PIK3CD: variants seen among roughly 807,000 people sequenced by gnomAD.
PIK3CD encodes phosphatidylinositol-4,5-bisphosphate 3-kinase catalytic subunit delta.
PIK3CD carries 20 observed loss-of-function variants against 122.9 expected under a neutral mutation model. The ratio of observed to expected loss-of-function variants is 0.16; its 90% CI spans 0.11 to 0.24. The LOEUF (loss-of-function observed/expected upper bound fraction) is 0.24, where lower values mean the gene tolerates loss of function less well. PIK3CD is among the 10% of genes least tolerant of loss of function. The pLI is 1.00. For missense variants in PIK3CD, 787 were observed against 1,406.3 expected (o/e 0.56, Z 7.04); for synonymous variants, 596 against 593.4 (o/e 1.00, Z -0.06).
At chr1:9,705,874 G>A (rs779393225) in intron 2 of PIK3CD, among the ~76,000 whole-genome samples, 3 of 152,104 alleles carry the variant, frequency 2.0e-5, no homozygotes, top group South Asian at 4.1e-4. Context: ...GATTGCTGAC[G>A]GGCACCACCG....
At chr1:9,674,101 G>A (rs796343695) in intron 1 of PIK3CD, among the ~76,000 whole-genome samples, 16 of 152,288 alleles carry the variant, frequency 1.1e-4, no homozygotes, top group African/African-American at 3.1e-4. Flanking sequence ...AGGGTAAGTC[G>A]TAGGGATCAC....
At chr1:9,669,578 G>T (rs769343531) in intron 1 of PIK3CD, among the ~76,000 whole-genome samples, 2 of 151,982 alleles carry the variant, frequency 1.3e-5, no homozygotes, top group African/African-American at 4.8e-5. Context: ...TTCCTGCCTC[G>T]GCCTCGCAAA....
intron 1 of PIK3CD, 51 bp from the exon 2 acceptor site, chr1:9,691,414 TTC>T: frequency 2.5e-6 from 1 of 397,826 alleles, no homozygotes; most frequent in Non-Finnish European, 4.4e-6. Context: ...GTTTCTGAAA[TTC>T]TCTCTTGTTA....
the PIK3CD span, among the ~76,000 whole-genome samples, chr1:9,637,613 G>A: frequency 2.0e-5 from 3 of 152,210 alleles, no homozygotes; most frequent in African/African-American, 7.2e-5. Flanking sequence ...ACTCTCTCTG[G>A]AGGCTGTAGG....
Position 9,705,453 on chromosome 1 carries a change from G to C in PIK3CD, c.-32-4971G>C, listed in dbSNP as rs146983134. Among the ~76,000 whole-genome samples, 813 of 152,042 alleles carry C rather than the reference G, an allele frequency of 5.3e-3. 17 individuals carry two copies. Among genetic ancestry groups the C allele is most frequent in the East Asian group, 0.045 (231 of 5,178 alleles). On this transcript the variant is annotated intron_variant, in intron 2 of 23. Coordinates refer to ENST00000377346, the MANE Select transcript of PIK3CD (RefSeq NM_005026.5). ...GTTGAGGCTGCAGTGAGCTGTGATTGCGCCACTGCACTCCAGCCTGGATGA... is the reference window on the plus strand; with the variant it reads ...GTTGAGGCTGCAGTGAGCTGTGATTCCGCCACTGCACTCCAGCCTGGATGA...
chr1:9,728,849 A>C lies in PIK3CD; in HGVS notation c.*1803A>C, dbSNP rs971094372. ...TCTGGGGAAGGCAAGTTAGTTAAGTATCACTGATGTGGGTTGAGACCAGCA... is the reference window on the plus strand; with the variant it reads ...TCTGGGGAAGGCAAGTTAGTTAAGTCTCACTGATGTGGGTTGAGACCAGCA... On this transcript the variant is annotated 3_prime_UTR_variant, in exon 24 of 24. Transcript: ENST00000377346. 1 of 152,234 alleles carries C rather than the reference A, an allele frequency of 6.6e-6. No individual in the cohort carries two copies. The highest frequency in any genetic ancestry group is 2.4e-5 in the African/African-American group (1 of 41,460). 9.4% of individuals were successfully genotyped at this position (152,234 alleles called of 1,614,324 possible). A position where few individuals can be genotyped will look rare whatever the true frequency, so the allele number is the denominator to read the frequency against.
chr1:9,696,749 A>G (rs563936626), intron 2 of PIK3CD, among the ~76,000 whole-genome samples: 68 of 151,948 alleles, frequency 4.5e-4, no homozygotes, highest in African/African-American at 1.6e-3. Flanking sequence ...GAGAGAAGAA[A>G]AAAATAAGTT....
Position 9,719,002 on chromosome 1 carries a change from C to T in PIK3CD, c.1242+87C>T. ...GGGCCACTCACCACTCTCCTCCCGG[C>T]AAGCACGCAGCCTGGGGATGGGGGT... is the stretch of plus-strand genomic sequence containing the variant. On this transcript the variant is annotated intron_variant, in intron 9 of 23. Coordinates refer to ENST00000377346, the MANE Select transcript of PIK3CD (RefSeq NM_005026.5). This position sits in a 1 kb window ranked among gnomAD's most constrained non-coding sequence, Gnocchi z 5.5. 7.9e-7 allele frequency: 1 copy of T among 1,267,116 alleles called. No homozygotes were observed. The highest frequency in any genetic ancestry group is 1.1e-6 in the Non-Finnish European group (1 of 891,092). The allele number at this position is 1,267,116 out of a possible 1,614,324, so 78.5% of individuals were successfully genotyped here.
chr1:9,633,499 G>A, the PIK3CD span, among the ~76,000 whole-genome samples: 1 of 151,952 alleles, frequency 6.6e-6, no homozygotes, highest in Non-Finnish European at 1.5e-5. Flanking sequence ...AGTAGAGACG[G>A]GGTTTCACTA....
chr1:9,689,932 GCGACGCT>G lies in PIK3CD; in HGVS notation c.-137-1533_-137-1527del, dbSNP rs2100434821. On this transcript the variant is annotated intron_variant, in intron 1 of 23. Transcript: ENST00000377346. This position sits in a 1 kb window ranked among gnomAD's most constrained non-coding sequence, Gnocchi z 6.1. The stretch of plus-strand genomic sequence containing the variant: ...GGTGGGATTCTCAGCTATGGGCCGC[GCGACGCT>G]CTCCTCTCCTAATCTGGTTGCTTCC... Among the ~76,000 whole-genome samples the G allele has an allele frequency of 6.6e-6, 1 of 152,240 alleles. No individual in the cohort carries two copies. The highest frequency in any genetic ancestry group is 2.4e-5 in the African/African-American group (1 of 41,572).
At chr1:9,682,564 C>T (rs941403426) in intron 1 of PIK3CD, among the ~76,000 whole-genome samples, 4 of 149,284 alleles carry the variant, frequency 2.7e-5, no homozygotes, top group East Asian at 2.0e-4. Context: ...TATTTCGAGA[C>T]GGAGTCTCGC....
In PIK3CD at chr1:9,719,874, C is replaced by A; in HGVS notation, c.1243-47C>A. The A allele has an allele frequency of 1.3e-6, 2 of 1,507,090 alleles. No individual in the cohort carries two copies. Among genetic ancestry groups the A allele is most frequent in the South Asian group, 1.1e-5 (1 of 88,980 alleles). 93.4% of individuals were successfully genotyped at this position (1,507,090 alleles called of 1,614,324 possible). A position where few individuals can be genotyped will look rare whatever the true frequency, so the allele number is the denominator to read the frequency against. On this transcript the variant is annotated intron_variant, in intron 9 of 23. Transcript: ENST00000377346. The surrounding 1 kb of genome is among the most constrained non-coding windows in gnomAD (Gnocchi z 5.5). ...CTGGGGGAGGGCAGGGAAGCTGGGT[C>A]TGGAGGCCCCTGAGTGGCTGTCCTC...
In PIK3CD at chr1:9,724,170, C is replaced by G; in HGVS notation, c.2718+78C>G. The G allele has an allele frequency of 6.2e-7, 1 of 1,613,620 alleles. No homozygotes were observed. The highest frequency in any genetic ancestry group is 8.5e-7 in the Non-Finnish European group (1 of 1,179,932). Reference sequence around the variant, plus strand: ...CCTGCTGGCCCCTCTGCCTAGCACACAGCTCTGTGGCAGGGGTCCCCCAGC... The same window carrying G: ...CCTGCTGGCCCCTCTGCCTAGCACAGAGCTCTGTGGCAGGGGTCCCCCAGC... On this transcript the variant is annotated intron_variant, in intron 21 of 23. Transcript: ENST00000377346. This position sits in a 1 kb window ranked among gnomAD's most constrained non-coding sequence, Gnocchi z 7.3.
At chr1:9,655,360 A>C (rs1214103854) in intron 1 of PIK3CD, among the ~76,000 whole-genome samples, 1 of 151,994 alleles carries the variant, frequency 6.6e-6, no homozygotes, top group Admixed American at 6.6e-5. Flanking sequence ...AGTTGTCTTT[A>C]GTTTGGTTGG....
chr1:9,667,611 C>T (rs1645198475), intron 1 of PIK3CD, among the ~76,000 whole-genome samples: 1 of 151,572 alleles, frequency 6.6e-6, no homozygotes, highest in African/African-American at 2.4e-5. Flanking sequence ...CTCCTGAACT[C>T]GTGATCTGCC....
chr1:9,710,862 T>C lies in PIK3CD; in HGVS notation c.141+266T>C, dbSNP rs889433479. Among the ~76,000 whole-genome samples, 1 of 152,212 alleles carries C rather than the reference T, an allele frequency of 6.6e-6. No individual in the cohort carries two copies. Among genetic ancestry groups the C allele is most frequent in the Non-Finnish European group, 1.5e-5 (1 of 68,040 alleles). On this transcript the variant is annotated intron_variant, in intron 3 of 23. Transcript: ENST00000377346. The surrounding 1 kb of genome is among the most constrained non-coding windows in gnomAD (Gnocchi z 4.7). ...GTGCAATGGCGCAATCTCGGCTCAC[T>C]GCAACCTCCAACTCCCGGGTTCAAG... is the stretch of plus-strand genomic sequence containing the variant.
upstream of PIK3CD, among the ~76,000 whole-genome samples, chr1:9,648,473 A>G (rs1285652507): frequency 1.3e-5 from 2 of 152,156 alleles, no homozygotes; most frequent in African/African-American, 2.4e-5. Flanking sequence ...AGCCTAGCAA[A>G]AGCATGGTTA....
the PIK3CD span, among the ~76,000 whole-genome samples, chr1:9,640,632 A>G: frequency 3.0e-4 from 45 of 151,976 alleles, no homozygotes; most frequent in Non-Finnish European, 5.1e-4. Flanking sequence ...GTGCTGGTGC[A>G]TTCTCCTTGC....
intron 3 of PIK3CD, among the ~76,000 whole-genome samples, chr1:9,712,228 C>T (rs1647082800): frequency 6.6e-6 from 1 of 152,286 alleles, no homozygotes; most frequent in East Asian, 1.9e-4. Context: ...CTTGAGGGAT[C>T]ATGCCTTGGG....
Sources: allele counts gnomAD v4.1 joint callset (sites outside exome capture counted in the v4.1 genomes callset), GRCh38; gene constraint gnomAD v4.1.1; non-coding constraint Gnocchi (gnomAD v3.1); transcripts MANE v1.5; gene names NCBI Gene and HGNC (gene_info 2026-07-23, HGNC 2026-07-21).